Variants in PHACTR2 observed in about 807,000 individuals in gnomAD.
PHACTR2 encodes the protein phosphatase and actin regulator 2.
A neutral mutation model predicts 76.0 loss-of-function variants in PHACTR2; 30 were observed. That is an observed-to-expected ratio of 0.39 (90% CI 0.30 to 0.54). The LOEUF is 0.54. PHACTR2 is among the 20% of genes least tolerant of loss of function. The pLI, the probability that PHACTR2 is intolerant of heterozygous loss-of-function variation, is 0.61. For missense variants in PHACTR2, 696 were observed against 781.1 expected, an observed-to-expected ratio of 0.89 and a Z score of 1.30; for synonymous variants, 292 against 292.5, an observed-to-expected ratio of 1.00 and a Z score of 0.02.
At chr6:143,573,589 T>TGCCC (rs1775472973) in intron 1 of PHACTR2, among the ~76,000 whole-genome samples, 1 of 151,178 alleles carries the variant, frequency 6.6e-6, no homozygotes, top group Non-Finnish European at 1.5e-5. Flanking sequence ...TTTTTTTTTT[T>TGCCC]CTAAGTATTT....
At chr6:143,713,376 G>A (rs1413341616) in intron 2 of PHACTR2, among the ~76,000 whole-genome samples, 1 of 152,198 alleles carries the variant, frequency 6.6e-6, no homozygotes, top group Admixed American at 6.5e-5. Flanking sequence ...GCAATGGGTT[G>A]TTCAAGCTGG....
In PHACTR2 at chr6:143,639,401, A is replaced by T. The variant is rs562797255; in HGVS notation, c.13+31079A>T. Among the ~76,000 whole-genome samples, 48 of 152,364 alleles carry T rather than the reference A, an allele frequency of 3.2e-4. No individual in the cohort carries two copies. The highest frequency in any genetic ancestry group is 1.0e-3 in the African/African-American group (43 of 41,580). ...TGCTCAAAACATTTCAAAAATTACT[A>T]AGTGAAAGCATATTCAGAGCCATTT... On this transcript the variant is annotated intron_variant, in intron 1 of 11. Transcript: ENST00000305766. The surrounding 1 kb of genome is among the most constrained non-coding windows in gnomAD (Gnocchi z 5.0).
intron 1 of PHACTR2, among the ~76,000 whole-genome samples, chr6:143,690,408 C>CTT (rs1562271179): frequency 1.3e-5 from 2 of 151,632 alleles, no homozygotes; most frequent in African/African-American, 4.9e-5. Context: ...TCCCATGCCC[C>CTT]CTTTTTTTTT....
At chr6:143,747,623 G>A (rs1779095114) in intron 2 of PHACTR2, among the ~76,000 whole-genome samples, 5 of 152,200 alleles carry the variant, frequency 3.3e-5, no homozygotes, top group Admixed American at 3.3e-4. Context: ...AGGAATCGGG[G>A]AACGTCAGAA....
intron 1 of PHACTR2, among the ~76,000 whole-genome samples, chr6:143,704,097 G>GTGTGTC (rs1777984761): frequency 3.5e-5 from 5 of 142,456 alleles, no homozygotes; most frequent in Admixed American, 2.1e-4. Flanking sequence ...GTGTGTGTCT[G>GTGTGTC]TGTGTGTGTG....
intron 3 of PHACTR2, 141 bp downstream of exon 3, chr6:143,749,206 T>C (rs904649894): frequency 1.7e-6 from 1 of 598,782 alleles, no homozygotes; most frequent in South Asian, 2.1e-5. Flanking sequence ...CGTGCTTCCA[T>C]TGGTAATGCC....
At chr6:143,605,681 T>C (rs1278102950), upstream of PHACTR2, among the ~76,000 whole-genome samples, 1 of 152,180 alleles carries the variant, frequency 6.6e-6, no homozygotes, top group Non-Finnish European at 1.5e-5. The surrounding 1 kb of genome is among the most constrained non-coding windows in gnomAD (Gnocchi z 5.0). Context: ...TTCTGATTTC[T>C]AGACATTTTT....
chr6:143,574,532 A>AC (rs1261440715), intron 1 of PHACTR2, among the ~76,000 whole-genome samples: 1 of 151,912 alleles, frequency 6.6e-6, no homozygotes, highest in Non-Finnish European at 1.5e-5. Flanking sequence ...AGTTATAACT[A>AC]TTTTTTTTTC....
intron 12 of PHACTR2, among the ~76,000 whole-genome samples, chr6:143,813,633 A>AG (rs1776232069): frequency 6.6e-6 from 1 of 151,960 alleles, no homozygotes; most frequent in Admixed American, 6.6e-5. Flanking sequence ...AAAAAAAAAA[A>AG]AAAAAAAATT....
rs539659096 is a variant in PHACTR2, at chr6:143,647,677, C to A, written c.13+39355C>A. Among the ~76,000 whole-genome samples, 6 of 152,222 alleles carry A rather than the reference C, an allele frequency of 3.9e-5. No homozygotes were observed. In the South Asian group the frequency reaches 8.3e-4, roughly 21 times the overall value. On this transcript the variant is annotated intron_variant, in intron 1 of 11. Transcript: ENST00000305766. This position sits in a 1 kb window ranked among gnomAD's most constrained non-coding sequence, Gnocchi z 4.2. ...TGAGGATTTGTTAGCTGAAAGGAAA[C>A]CTTGGTTGAAGTGAGGGAGGAGGAA...
Position 143,826,038 on chromosome 6 carries a change from A to T in PHACTR2, c.*2349A>T, listed in dbSNP as rs1776523580. 1 of 151,760 alleles carries T rather than the reference A, an allele frequency of 6.6e-6. No individual in the cohort carries two copies. Among genetic ancestry groups the T allele is most frequent in the Non-Finnish European group, 1.5e-5 (1 of 67,962 alleles). 9.4% of individuals were successfully genotyped at this position (151,760 alleles called of 1,614,324 possible). A position where few individuals can be genotyped will look rare whatever the true frequency, so the allele number is the denominator to read the frequency against. On this transcript the variant is annotated 3_prime_UTR_variant, in exon 13 of 13. Transcript: ENST00000440869. ...ACATTTAGAAAAAATTTTCTAAGTT[A>T]GAGACAAGTTTAAAAGTAAAAAAAA...
rs574841702 is a variant in PHACTR2, at chr6:143,547,448, G to C, written c.217+10241G>C. ...TCACATTACTTTATAGTAACACTGC[G>C]TACCTCCAAAATATATAACCACACA... On this transcript the variant is annotated intron_variant, in intron 1 of 11. Coordinates refer to the PHACTR2 transcript ENST00000367584. The surrounding 1 kb of genome is among the most constrained non-coding windows in gnomAD (Gnocchi z 4.2). Among the ~76,000 whole-genome samples the C allele has an allele frequency of 1.3e-5, 2 of 152,120 alleles. No homozygotes were observed. Among genetic ancestry groups the C allele is most frequent in the Non-Finnish European group, 2.9e-5 (2 of 68,034 alleles).
chr6:143,678,745 T>C lies in PHACTR2; in HGVS notation c.46+536T>C, dbSNP rs2128452478. Among the ~76,000 whole-genome samples, 1 of 152,346 alleles carries C rather than the reference T, an allele frequency of 6.6e-6. No homozygotes were observed. Among genetic ancestry groups the C allele is most frequent in the Non-Finnish European group, 1.5e-5 (1 of 68,034 alleles). On this transcript the variant is annotated intron_variant, in intron 1 of 12. Coordinates refer to ENST00000440869, the MANE Select transcript of PHACTR2 (RefSeq NM_001100164.2). The surrounding 1 kb of genome is among the most constrained non-coding windows in gnomAD (Gnocchi z 6.2). Reference sequence around the variant, plus strand: ...TTTCAAATGAGACTTGTTTTGTTTATAGTAGATACAGCAGCTATAACATTT... The same window carrying C: ...TTTCAAATGAGACTTGTTTTGTTTACAGTAGATACAGCAGCTATAACATTT...
At position 143,760,192 on chromosome 6, in the gene PHACTR2, G is replaced by T. The variant is rs1779402000; in HGVS notation, c.455-209G>T. ...GTTTGTATAACCCGGTTTTATTAAA[G>T]GGTGATTCGTGTACCCTGAGAACAC... is the stretch of plus-strand genomic sequence containing the variant. On this transcript the variant is annotated intron_variant, in intron 4 of 12. Transcript: ENST00000440869. The surrounding 1 kb of genome is among the most constrained non-coding windows in gnomAD (Gnocchi z 6.4). Among the ~76,000 whole-genome samples, 4 of 152,130 alleles carry T rather than the reference G, an allele frequency of 2.6e-5. No homozygotes were observed. The South Asian group carries it at 8.3e-4, about 32-fold the overall frequency.
intron 6 of PHACTR2, among the ~76,000 whole-genome samples, chr6:143,769,130 A>G (rs1022723106): frequency 1.3e-5 from 2 of 152,228 alleles, no homozygotes; most frequent in Non-Finnish European, 2.9e-5. Flanking sequence ...CAAGAAGACA[A>G]GTGGCTATGT....
rs961017301 is a variant in PHACTR2 at position 143,616,301 on chromosome 6, A to G, written c.13+7979A>G. 6.6e-6 allele frequency among the ~76,000 whole-genome samples: 1 copy of G among 152,202 alleles called. No individual in the cohort carries two copies. The highest frequency in any genetic ancestry group is 1.5e-5 in the Non-Finnish European group (1 of 68,036). On this transcript the variant is annotated intron_variant, in intron 1 of 11. Coordinates refer to the PHACTR2 transcript ENST00000305766. This position sits in a 1 kb window ranked among gnomAD's most constrained non-coding sequence, Gnocchi z 4.9. ...TAATTTCCTTTCTTAGACCTGAATCATTCAGTCCTGGCACAGCATTTATAC... is the reference window on the plus strand; with the variant it reads ...TAATTTCCTTTCTTAGACCTGAATCGTTCAGTCCTGGCACAGCATTTATAC...
chr6:143,724,381 C>G (rs572334056), intron 2 of PHACTR2, among the ~76,000 whole-genome samples: 4 of 152,180 alleles, frequency 2.6e-5, no homozygotes, highest in Non-Finnish European at 4.4e-5. Context: ...ATCCACCCGC[C>G]TCAGCCTCCC....
Position 143,581,924 on chromosome 6 carries a change from T to C in PHACTR2, c.217+44717T>C, listed in dbSNP as rs1180973622. Among the ~76,000 whole-genome samples the C allele has an allele frequency of 6.6e-6, 1 of 152,110 alleles. No individual in the cohort carries two copies. The highest frequency in any genetic ancestry group is 2.4e-5 in the African/African-American group (1 of 41,382). ...TATTTTTTGCAGTTATACATGGGGA[T>C]GGCAAAAGGCAGAATCCTGGGCATT... On this transcript the variant is annotated intron_variant, in intron 1 of 11. Transcript: ENST00000367584. The surrounding 1 kb of genome is among the most constrained non-coding windows in gnomAD (Gnocchi z 4.5).
intron 1 of PHACTR2, among the ~76,000 whole-genome samples, chr6:143,638,985 A>G (rs1050122670): frequency 2.0e-5 from 3 of 152,242 alleles, no homozygotes; most frequent in African/African-American, 7.2e-5. Context: ...CAAAACTATG[A>G]ATGACATTAT....
Sources: allele counts gnomAD v4.1 joint callset (sites outside exome capture counted in the v4.1 genomes callset), GRCh38; gene constraint gnomAD v4.1.1; non-coding constraint Gnocchi (gnomAD v3.1); transcripts MANE v1.5; gene names NCBI Gene and HGNC (gene_info 2026-07-23, HGNC 2026-07-21).